Variants in TMEM272 observed in about 807,000 individuals in gnomAD.
TMEM272 encodes the protein transmembrane protein 272, also known as long intergenic non-protein coding RNA 282.
In TMEM272, 8 loss-of-function variants were observed where a neutral mutation model predicts 3.7. The ratio of observed to expected loss-of-function variants is 2.17; its 90% CI spans 1.27 to 3.91. The LOEUF is 3.91. Among genes scored for constraint, TMEM272 ranks in the 30% most tolerant of loss-of-function variants. TMEM272 has a pLI of 0.00. For synonymous variants in TMEM272, 63 were observed against 39.8 expected (o/e 1.58, Z -2.20); for missense variants, 166 against 91.5 (o/e 1.81, Z -3.32).
chr13:51,930,032 T>A, the TMEM272 span, among the ~76,000 whole-genome samples: 4 of 152,300 alleles, frequency 2.6e-5, no homozygotes, highest in East Asian at 5.8e-4. Flanking sequence ...CTTTGCTCCC[T>A]CCATGTCCCG....
the TMEM272 span, among the ~76,000 whole-genome samples, chr13:51,871,831 CACACACACACACAA>C: frequency 0.011 from 1,105 of 104,626 alleles, 16 homozygotes; most frequent in African/African-American, 0.029. Flanking sequence ...CACACACACA[CACACACACACACAA>C]ACAGAGACGC....
In TMEM272 at chr13:51,814,517, T is replaced by C. The variant is rs1034096; in HGVS notation, c.*2234A>G. 0.76 allele frequency: 115,806 copies of C among 152,218 alleles called. 44,171 individuals carry two copies. The highest frequency in any genetic ancestry group is 0.78 in the African/African-American group (32,599 of 41,536). 9.4% of individuals were successfully genotyped at this position (152,218 alleles called of 1,614,324 possible). A position where few individuals can be genotyped will look rare whatever the true frequency, so the allele number is the denominator to read the frequency against. ...TGTCACCCAGAGTAGAGTGCAGTGG[T>C]GCAATCATAGCTCACTGTAACCTCA... is the stretch of plus-strand genomic sequence containing the variant. On this transcript the variant is annotated 3_prime_UTR_variant, in exon 5 of 5. Transcript: ENST00000629372.
chr13:51,908,421 G>A, the TMEM272 span: 5 of 1,481,030 alleles, frequency 3.4e-6, no homozygotes, highest in Non-Finnish European at 9.4e-7. Flanking sequence ...GACATCCCTT[G>A]GTGGAAAATA....
chr13:51,913,544 G>A, the TMEM272 span, among the ~76,000 whole-genome samples: 1 of 152,182 alleles, frequency 6.6e-6, no homozygotes, highest in East Asian at 1.9e-4. Flanking sequence ...CAGCTGCATT[G>A]CAGGGGCAGC....
At chr13:51,844,222 G>A (rs940782155) in intron 1 of TMEM272, among the ~76,000 whole-genome samples, 7 of 151,966 alleles carry the variant, frequency 4.6e-5, no homozygotes, top group Non-Finnish European at 8.8e-5. Flanking sequence ...GTATATATAT[G>A]TGTGTATGTG....
At chr13:51,867,418 T>C in the TMEM272 span, among the ~76,000 whole-genome samples, 4 of 152,172 alleles carry the variant, frequency 2.6e-5, no homozygotes, top group African/African-American at 4.8e-5. Flanking sequence ...ACTTGGCTGA[T>C]AGTGGTGTCA....
chr13:51,855,180 G>A, the TMEM272 span, among the ~76,000 whole-genome samples: 30 of 152,312 alleles, frequency 2.0e-4, no homozygotes, highest in African/African-American at 7.2e-4. Flanking sequence ...TGCACCCAAG[G>A]ATCTATCAGC....
chr13:51,918,562 A>C, the TMEM272 span, among the ~76,000 whole-genome samples: 1 of 151,748 alleles, frequency 6.6e-6, no homozygotes, highest in Non-Finnish European at 1.5e-5. Context: ...ATTCACTCTT[A>C]GTCTCTGTAT....
chr13:51,878,272 T>C, the TMEM272 span, among the ~76,000 whole-genome samples: 1 of 151,894 alleles, frequency 6.6e-6, no homozygotes. Context: ...CTACTAAAAA[T>C]ACAAAAAATT....
chr13:51,817,159 TA>T, intron 4 of TMEM272, 46 bp from the exon 5 acceptor site: 1 of 677,400 alleles, frequency 1.5e-6, no homozygotes, highest in Non-Finnish European at 2.7e-6. Context: ...AGCAGCAAAA[TA>T]GACGGGAAGA....
chr13:51,865,572 T>G, the TMEM272 span: 4 of 1,614,208 alleles, frequency 2.5e-6, no homozygotes, highest in East Asian at 8.9e-5. Flanking sequence ...ATAGAGGACT[T>G]CAGGGAAGAG....
intron 1 of TMEM272, among the ~76,000 whole-genome samples, chr13:51,843,624 T>C (rs913656970): frequency 2.6e-5 from 4 of 152,232 alleles, no homozygotes; most frequent in African/African-American, 7.2e-5. Flanking sequence ...AAAGTTTTCT[T>C]ATTTGTTAGA....
At chr13:51,901,021 T>C in the TMEM272 span, among the ~76,000 whole-genome samples, 1 of 152,250 alleles carries the variant, frequency 6.6e-6, no homozygotes, top group African/African-American at 2.4e-5. Flanking sequence ...GAAAATGTTC[T>C]AAAATGTTAA....
At chr13:51,834,416 C>T (rs1956198259) in intron 2 of TMEM272, among the ~76,000 whole-genome samples, 1 of 152,168 alleles carries the variant, frequency 6.6e-6, no homozygotes, top group Non-Finnish European at 1.5e-5. Context: ...GTGTGACCCA[C>T]AAAGCCCAGG....
rs2139534320 is a variant in TMEM272 at position 51,813,494 on chromosome 13, G to A, written c.*3257C>T. 1 of 378,372 alleles carries A rather than the reference G, an allele frequency of 2.6e-6. No individual in the cohort carries two copies. Among genetic ancestry groups the A allele is most frequent in the South Asian group, 1.5e-4 (1 of 6,836 alleles). 23.4% of individuals were successfully genotyped at this position (378,372 alleles called of 1,614,324 possible). On this transcript the variant is annotated 3_prime_UTR_variant, in exon 5 of 5. Coordinates refer to ENST00000629372, the MANE Select transcript of TMEM272 (RefSeq NM_001351003.2). ...AAGGAAATAACACGAAGTACTGGAA[G>A]TGACATTATATTGTCCTCATGGTGA...
At chr13:51,844,002 C>T (rs1195727223) in intron 1 of TMEM272, among the ~76,000 whole-genome samples, 5 of 152,072 alleles carry the variant, frequency 3.3e-5, no homozygotes, top group African/African-American at 1.2e-4. Flanking sequence ...GCAGGGCTGT[C>T]GATAAAGAGA....
chr13:51,818,221 T>C (rs1956050808), intron 4 of TMEM272, among the ~76,000 whole-genome samples: 1 of 151,204 alleles, frequency 6.6e-6, no homozygotes, highest in Admixed American at 6.6e-5. Context: ...TGAGCTTGAG[T>C]GAAATGGAAG....
the TMEM272 span, among the ~76,000 whole-genome samples, chr13:51,876,352 A>T: frequency 1.3e-5 from 2 of 152,232 alleles, no homozygotes; most frequent in African/African-American, 4.8e-5. Flanking sequence ...CAGGCAGGGA[A>T]TTCAGGGTGT....
chr13:51,905,817 C>G, the TMEM272 span, among the ~76,000 whole-genome samples: 1 of 152,206 alleles, frequency 6.6e-6, no homozygotes, highest in Admixed American at 6.5e-5. Flanking sequence ...AGGACAATGC[C>G]CCATGGTTCT....
Sources: gnomAD v4.1 joint callset for allele counts (sites outside exome capture counted in the v4.1 genomes callset) on GRCh38, gnomAD v4.1.1 for gene constraint, MANE v1.5 for transcripts, NCBI Gene and HGNC (gene_info 2026-07-23, HGNC 2026-07-21) for gene names.